Variants in RALGAPA1 observed in about 807,000 individuals in gnomAD.
RALGAPA1 encodes Ral GTPase activating protein catalytic subunit alpha 1, also known as ral GTPase-activating protein subunit alpha-1.
Under a neutral mutation model 269.6 loss-of-function variants are expected in RALGAPA1, and 52 were observed. That is an observed-to-expected ratio of 0.19 (90% CI 0.15 to 0.24). RALGAPA1 has a LOEUF of 0.24. Ranked by LOEUF, RALGAPA1 falls within the 10% of genes least tolerant of loss-of-function variation. RALGAPA1 has a pLI of 1.00. For missense variants in RALGAPA1, 1,917 were observed against 3,013.9 expected, an observed-to-expected ratio of 0.64 and a Z score of 8.52; for synonymous variants, 817 against 1,008.3, an observed-to-expected ratio of 0.81 and a Z score of 3.60.
In RALGAPA1 at chr14:35,581,349, A is replaced by C. The variant is rs190213902; in HGVS notation, c.7210-8631T>G. Among the ~76,000 whole-genome samples the C allele has an allele frequency of 2.3e-3, 352 of 152,288 alleles. 1 individual carries two copies. The highest frequency in any genetic ancestry group is 8.1e-3 in the African/African-American group (335 of 41,574). On this transcript the variant is annotated intron_variant, in intron 37 of 41. Transcript: ENST00000680220. ...AAATCAATGTTTATAAGGTTTTAAA[A>C]AATTTCTACGAAAAGAAAGTTTAAG... is the stretch of plus-strand genomic sequence containing the variant.
intron 4 of RALGAPA1, among the ~76,000 whole-genome samples, chr14:35,770,174 T>TA (rs1171525719): frequency 6.6e-6 from 1 of 152,188 alleles, no homozygotes; most frequent in African/African-American, 2.4e-5. Flanking sequence ...ATGACACTGA[T>TA]AATGATCGCA....
At chr14:35,558,189 A>G (rs1257223724) in intron 39 of RALGAPA1, among the ~76,000 whole-genome samples, 1 of 152,222 alleles carries the variant, frequency 6.6e-6, no homozygotes, top group Admixed American at 6.5e-5. Context: ...TGAAATAGTT[A>G]TGAGCTACTC....
At chr14:35,801,542 A>G (rs1487093180) in intron 1 of RALGAPA1, among the ~76,000 whole-genome samples, 1 of 152,218 alleles carries the variant, frequency 6.6e-6, no homozygotes, top group Admixed American at 6.5e-5. Flanking sequence ...TGCTGGGATT[A>G]TAAGCATGAG....
At chr14:35,561,506 G>GTTT (rs750062810) in intron 39 of RALGAPA1, among the ~76,000 whole-genome samples, 16 of 72,920 alleles carry the variant, frequency 2.2e-4, no homozygotes, top group Admixed American at 5.6e-4. Flanking sequence ...TAATATAGGA[G>GTTT]TTTTTTTTTT....
intron 18 of RALGAPA1, among the ~76,000 whole-genome samples, chr14:35,686,964 CT>C (rs1286717809): frequency 6.6e-6 from 1 of 152,076 alleles, no homozygotes; most frequent in Non-Finnish European, 1.5e-5. Context: ...GTATATTTAT[CT>C]TTTTTCCTGA....
intron 39 of RALGAPA1, among the ~76,000 whole-genome samples, chr14:35,553,909 G>A (rs2055272211): frequency 6.6e-6 from 1 of 151,688 alleles, no homozygotes; most frequent in Non-Finnish European, 1.5e-5. Context: ...GGCCCATTCT[G>A]AAATTCTTAA....
At chr14:35,578,439 G>GCA (rs1187913301) in intron 37 of RALGAPA1, among the ~76,000 whole-genome samples, 16 of 152,180 alleles carry the variant, frequency 1.1e-4, no homozygotes, top group African/African-American at 3.9e-4. Flanking sequence ...CTCACACTTA[G>GCA]TAAAAAACAC....
chr14:35,583,624 G>A (rs1025417206), intron 37 of RALGAPA1, among the ~76,000 whole-genome samples: 5 of 152,188 alleles, frequency 3.3e-5, no homozygotes, highest in African/African-American at 1.2e-4. Flanking sequence ...ACCACGCAGG[G>A]TAAATGTCAA....
In RALGAPA1 at chr14:35,625,195, C is replaced by T. The variant is rs563011804; in HGVS notation, c.6929+166G>A. Among the ~76,000 whole-genome samples the T allele has an allele frequency of 7.4e-5, 11 of 149,246 alleles. No individual in the cohort carries two copies. In the South Asian group the frequency reaches 2.3e-3, roughly 32 times the overall value. ...AAAAGGCATAAACAATTCAAAGACACCCAACATTCTATGCAGTCCTAAATT... is the reference window on the plus strand; with the variant it reads ...AAAAGGCATAAACAATTCAAAGACATCCAACATTCTATGCAGTCCTAAATT... On this transcript the variant is annotated intron_variant, in intron 35 of 41. Coordinates refer to ENST00000680220, the MANE Select transcript of RALGAPA1 (RefSeq NM_001346249.2).
intron 37 of RALGAPA1, among the ~76,000 whole-genome samples, chr14:35,582,012 A>G (rs1381538286): frequency 1.3e-5 from 2 of 152,228 alleles, no homozygotes; most frequent in Admixed American, 6.5e-5. Context: ...GGTAAACAAA[A>G]TGAGGTATAT....
At chr14:35,563,271 T>C (rs2056436414) in intron 39 of RALGAPA1, among the ~76,000 whole-genome samples, 1 of 151,580 alleles carries the variant, frequency 6.6e-6, no homozygotes, top group Admixed American at 6.6e-5. Flanking sequence ...GTAAAGGAGG[T>C]TTTTTTTCTT....
chr14:35,663,776 A>G (rs2063724324), intron 27 of RALGAPA1, among the ~76,000 whole-genome samples: 1 of 151,936 alleles, frequency 6.6e-6, no homozygotes, highest in African/African-American at 2.4e-5. Context: ...TATTTTTAGT[A>G]GAGATAGGGT....
chr14:35,633,061 T>C (rs1235553211), intron 33 of RALGAPA1, among the ~76,000 whole-genome samples: 1 of 152,206 alleles, frequency 6.6e-6, no homozygotes, highest in Non-Finnish European at 1.5e-5. Context: ...AATATTAAGC[T>C]AATCTATTTA....
At chr14:35,594,050 C>T (rs2058788376) in intron 37 of RALGAPA1, among the ~76,000 whole-genome samples, 2 of 152,020 alleles carry the variant, frequency 1.3e-5, no homozygotes, top group Admixed American at 6.6e-5. Flanking sequence ...GTCTCTTCAA[C>T]ATGGTCTTGG....
rs2061610351 is a variant in RALGAPA1, at chr14:35,635,473, G to A, written c.5802C>T (p.Cys1934=). The A allele has an allele frequency of 6.3e-7, 1 of 1,591,432 alleles. No individual in the cohort carries two copies. Among genetic ancestry groups the A allele is most frequent in the South Asian group, 1.2e-5 (1 of 85,970 alleles). ...AAGCAAGGAAGTTTACCTTATAAAT[G>A]CAATTGAGAACAGATTTTTCTGTTT... is the stretch of plus-strand genomic sequence containing the variant. ...SDKTEKSVLN[C]IYKVLHGCVY... The change falls in exon 32 of 42, where the codon TGC becomes TGT. Residue 1934 remains cysteine, a synonymous_variant. Coordinates refer to ENST00000680220, the MANE Select transcript of RALGAPA1 (RefSeq NM_001346249.2).
chr14:35,684,813 G>T, intron 20 of RALGAPA1, 116 bp downstream of exon 20: 1 of 1,042,746 alleles, frequency 9.6e-7, no homozygotes, highest in Non-Finnish European at 1.4e-6. Context: ...TCTAACGTGG[G>T]AGCCACTGCC....
intron 10 of RALGAPA1, among the ~76,000 whole-genome samples, chr14:35,746,233 T>TG (rs1276453464): frequency 3.3e-5 from 5 of 152,160 alleles, no homozygotes; most frequent in Non-Finnish European, 7.3e-5. Context: ...CAGAGTAGAA[T>TG]GGTAGTGACT....
chr14:35,706,437 T>C (rs1474012316), intron 16 of RALGAPA1, among the ~76,000 whole-genome samples: 1 of 152,174 alleles, frequency 6.6e-6, no homozygotes, highest in South Asian at 2.1e-4. Flanking sequence ...ATCAGTGGAC[T>C]CTAGTTGTGT....
intron 1 of RALGAPA1, among the ~76,000 whole-genome samples, chr14:35,777,792 G>A (rs910668835): frequency 1.3e-5 from 2 of 151,746 alleles, no homozygotes; most frequent in African/African-American, 4.8e-5. Flanking sequence ...CAAGTGATCC[G>A]CCCGCCTCAG....
Sources: gnomAD v4.1 joint callset for allele counts (sites outside exome capture counted in the v4.1 genomes callset) on GRCh38, gnomAD v4.1.1 for gene constraint, MANE v1.5 for transcripts, NCBI Gene and HGNC (gene_info 2026-07-23, HGNC 2026-07-21) for gene names.